Variants in SYMPK observed in about 807,000 individuals in gnomAD.
The protein encoded by SYMPK is symplekin scaffold protein.
Under a neutral mutation model 136.4 loss-of-function variants are expected in SYMPK, and 49 were observed. The observed-to-expected ratio is 0.36, with a 90% CI of 0.29 to 0.46. The LOEUF (loss-of-function observed/expected upper bound fraction) is 0.46. SYMPK is among the 20% of genes least tolerant of loss of function. The pLI is 1.00. For missense variants in SYMPK, 1,365 were observed against 1,690.0 expected, an observed-to-expected ratio of 0.81 and a Z score of 3.37; for synonymous variants, 766 against 713.0, an observed-to-expected ratio of 1.07 and a Z score of -1.19.
chr19:45,828,521 T>C (rs1971098391), intron 14 of SYMPK: 1 of 180,280 alleles, frequency 5.5e-6, no homozygotes, highest in South Asian at 1.2e-4. Flanking sequence ...GGGGAAGTAA[T>C]AAAAGGATTT....
Position 45,815,527 on chromosome 19 carries a change from C to A in SYMPK, c.*33G>T. 38 of 974,242 alleles carry A rather than the reference C, an allele frequency of 3.9e-5. No homozygotes were observed. The highest frequency in any genetic ancestry group is 4.6e-5 in the Non-Finnish European group (31 of 678,542). 60.3% of individuals were successfully genotyped at this position (974,242 alleles called of 1,614,324 possible). A position where few individuals can be genotyped will look rare whatever the true frequency, so the allele number is the denominator to read the frequency against. On this transcript the variant is annotated 3_prime_UTR_variant, in exon 27 of 27. Transcript: ENST00000245934. ...CCCGCCCCGTCCCCCAGCCCCGAGTCCCTGTCCCACCCCCTTTCCCCCTCG... is the reference window on the plus strand; with the variant it reads ...CCCGCCCCGTCCCCCAGCCCCGAGTACCTGTCCCACCCCCTTTCCCCCTCG...
rs372851833 is a variant in SYMPK at position 45,844,090 on chromosome 19, T to C, written c.787A>G (p.Ile263Val). The change falls in exon 8 of 27, where the codon ATC (isoleucine) becomes GTC (valine). Residue 263 changes from isoleucine to valine, a missense_variant. By Grantham distance (29) the Ile-to-Val change is conservative. Coordinates refer to ENST00000245934, the MANE Select transcript of SYMPK (RefSeq NM_004819.3). ...LTTALGSLANIARQRPMFMSE... is the reference protein window; with the variant it reads ...LTTALGSLANVARQRPMFMSE... ...ATGAACATGGGTCTCTGGCGGGCGA[T>C]ATTGGCAAGGGAGCCCAGCGCTGTG... The C allele has an allele frequency of 7.5e-6, 12 of 1,610,666 alleles. No homozygotes were observed. Among genetic ancestry groups the C allele is most frequent in the Non-Finnish European group, 1.0e-5 (12 of 1,178,758 alleles).
At chr19:45,848,098 AATG>A in intron 6 of SYMPK, 97 bp from the exon 7 acceptor site, 1 of 1,393,746 alleles carries the variant, frequency 7.2e-7, no homozygotes, top group Non-Finnish European at 9.7e-7. Context: ...GAGAACCATG[AATG>A]ATGAATACAT....
intron 1 of SYMPK, among the ~76,000 whole-genome samples, chr19:45,857,080 T>C (rs1045334073): frequency 1.3e-5 from 2 of 151,910 alleles, no homozygotes; most frequent in Non-Finnish European, 2.9e-5. Flanking sequence ...ATCACGCCAC[T>C]GCACTCCAGC....
chr19:45,836,758 C>G (rs1418165418), intron 10 of SYMPK, among the ~76,000 whole-genome samples: 1 of 152,122 alleles, frequency 6.6e-6, no homozygotes, highest in African/African-American at 2.4e-5. Context: ...CCTGCTTCAG[C>G]CTCTCCAGTG....
At position 45,816,051 on chromosome 19, in the gene SYMPK, C is replaced by T; in HGVS notation, c.3487G>A (p.Gly1163Arg). 6.4e-7 allele frequency: 1 copy of T among 1,567,278 alleles called. No individual in the cohort carries two copies. The highest frequency in any genetic ancestry group is 8.7e-7 in the Non-Finnish European group (1 of 1,155,818). Residue 1163 changes from glycine (G) to arginine (R), a missense_variant, in exon 26 of 27, where the codon GGA (glycine) becomes AGA (arginine). Gly to Arg is a moderately radical substitution (Grantham distance 125). This residue lies in a region of SYMPK where 341 missense variants were observed against 270.5 expected (regional missense o/e 1.26). Coordinates refer to ENST00000245934, the MANE Select transcript of SYMPK (RefSeq NM_004819.3). ...LEEEQKLKPG[G>R]VGAPSSSSPS... The stretch of plus-strand genomic sequence containing the variant: ...GAGGAAGAGGAGGGGGCTCCCACTC[C>T]TCCCGGCTTCAGCTTCTGTTCCTCC...
chr19:45,822,049 A>C (rs1364643445), intron 21 of SYMPK, among the ~76,000 whole-genome samples: 4 of 151,418 alleles, frequency 2.6e-5, no homozygotes, highest in Admixed American at 2.6e-4. Flanking sequence ...TTTTTTCTCT[A>C]GCACCAACCA....
chr19:45,837,188 ATAG>A (rs1251262478), intron 10 of SYMPK, among the ~76,000 whole-genome samples: 2 of 152,356 alleles, frequency 1.3e-5, no homozygotes, highest in Non-Finnish European at 2.9e-5. Context: ...AAGATTGGAC[ATAG>A]TAGTAGCAAC....
intron 1 of SYMPK, chr19:45,862,119 T>C (rs934177836): frequency 6.6e-6 from 1 of 152,294 alleles, no homozygotes; most frequent in African/African-American, 2.4e-5. Flanking sequence ...TGGAGGCCAC[T>C]ATATCAGTGT....
chr19:45,837,734 G>A (rs947199160), intron 10 of SYMPK, among the ~76,000 whole-genome samples: 7 of 152,044 alleles, frequency 4.6e-5, no homozygotes, highest in Non-Finnish European at 8.8e-5. Flanking sequence ...GCAAGTGAGG[G>A]TTGGGCTTCA....
At chr19:45,826,450 C>T (rs1971046140) in intron 16 of SYMPK, 77 bp from the exon 17 acceptor site, 1 of 1,511,166 alleles carries the variant, frequency 6.6e-7, no homozygotes, top group African/African-American at 1.4e-5. Flanking sequence ...AGCATGGCAA[C>T]ACTCACGTGA....
In SYMPK at chr19:45,827,631, AAAAGG is replaced by A. The variant is rs761117253; in HGVS notation, c.2068-13_2068-9del. The A allele has an allele frequency of 6.2e-7, 1 of 1,612,670 alleles. No individual in the cohort carries two copies. The highest frequency in any genetic ancestry group is 1.7e-5 in the Admixed American group (1 of 60,016). On this transcript the variant is annotated splice_polypyrimidine_tract_variant and intron_variant, in intron 15 of 26. Coordinates refer to ENST00000245934, the MANE Select transcript of SYMPK (RefSeq NM_004819.3). ...GCCCAGATAGGTGCGACTCTGCAGC[AAAAGG>A]AAAGGGACCCGAGCTCAGCCCACCT...
intron 20 of SYMPK, 32 bp from the exon 21 acceptor site, chr19:45,822,878 G>A (rs1017229265): frequency 6.5e-7 from 1 of 1,533,826 alleles, no homozygotes; most frequent in Admixed American, 1.7e-5. Flanking sequence ...GGTGGGAGTT[G>A]AGTCACATAC....
intron 18 of SYMPK, 105 bp downstream of exon 18, chr19:45,825,066 T>G: frequency 6.9e-7 from 1 of 1,449,854 alleles, no homozygotes. Flanking sequence ...TGACCACCCT[T>G]CGGGCTTGGC....
chr19:45,827,973 C>A, intron 14 of SYMPK, 55 bp from the exon 15 acceptor site: 1 of 1,556,514 alleles, frequency 6.4e-7, no homozygotes, highest in South Asian at 1.1e-5. Context: ...GCCTGGCTCC[C>A]GGGCCCTGCT....
chr19:45,830,388 G>C (rs1320955723), intron 12 of SYMPK, 184 bp from the exon 13 acceptor site: 1 of 675,708 alleles, frequency 1.5e-6, no homozygotes, highest in African/African-American at 1.8e-5. Flanking sequence ...GGAAGAGGAT[G>C]TTATTTTGGT....
chr19:45,858,202 G>T (rs2146349075), intron 1 of SYMPK, among the ~76,000 whole-genome samples: 1 of 152,238 alleles, frequency 6.6e-6, no homozygotes, highest in South Asian at 2.1e-4. Context: ...CTCCTCCCTA[G>T]TTTCCCTGCT....
At chr19:45,854,102 G>C (rs1568626280) in intron 3 of SYMPK, 73 bp downstream of exon 3, 6 of 1,407,710 alleles carry the variant, frequency 4.3e-6, no homozygotes, top group East Asian at 2.3e-5. Context: ...TGGTGTTACT[G>C]CAAGTGTCTT....
At chr19:45,833,892 C>T (rs1971241604) in intron 11 of SYMPK, among the ~76,000 whole-genome samples, 1 of 152,206 alleles carries the variant, frequency 6.6e-6, no homozygotes, top group African/African-American at 2.4e-5. Flanking sequence ...TGGCTCACGC[C>T]TGTAATCCCA....
Sources: allele counts gnomAD v4.1 joint callset (sites outside exome capture counted in the v4.1 genomes callset), GRCh38; gene constraint gnomAD v4.1.1; regional missense constraint gnomAD v4.1.1; transcripts MANE v1.5; gene names NCBI Gene and HGNC (gene_info 2026-07-23, HGNC 2026-07-21).